MTCH2: variants seen among roughly 807,000 people sequenced by gnomAD.
The protein encoded by MTCH2 is mitochondrial carrier homolog 2.
MTCH2 carries 25 observed loss-of-function variants against 50.6 expected under a neutral mutation model. The observed-to-expected ratio is 0.49, with a 90% CI of 0.36 to 0.69. The LOEUF is 0.69. Ranked by LOEUF, MTCH2 falls within the 30% of genes least tolerant of loss-of-function variation. The pLI, the probability that MTCH2 is intolerant of heterozygous loss-of-function variation, is 0.00. For missense variants in MTCH2, 273 were observed against 384.4 expected (o/e 0.71, Z 2.42); for synonymous variants, 106 against 132.0 (o/e 0.80, Z 1.35).
rs1357745827 is a variant in MTCH2 at position 47,618,387 on chromosome 11, T to C, written c.*446A>G. The C allele has an allele frequency of 4.5e-6, 1 of 223,196 alleles. No homozygotes were observed. Among genetic ancestry groups the C allele is most frequent in the African/African-American group, 2.4e-5 (1 of 41,878 alleles). The allele number at this position is 223,196 out of a possible 1,614,324, so 13.8% of individuals were successfully genotyped here. A position where few individuals can be genotyped will look rare whatever the true frequency, so the allele number is the denominator to read the frequency against. Reference sequence around the variant, plus strand: ...GGAGTCAGATTCTGGTGCATGCTACTGACATTTTAGGGTCTACCCAAGAAA... The same window carrying C: ...GGAGTCAGATTCTGGTGCATGCTACCGACATTTTAGGGTCTACCCAAGAAA... On this transcript the variant is annotated 3_prime_UTR_variant, in exon 13 of 13. Coordinates refer to ENST00000302503, the MANE Select transcript of MTCH2 (RefSeq NM_014342.4).
intron 10 of MTCH2, 22 bp downstream of exon 10, chr11:47,627,057 TA>T (rs778474643): frequency 1.9e-6 from 3 of 1,553,226 alleles, no homozygotes; most frequent in Non-Finnish European, 2.6e-6. Context: ...CCTAGAAGGT[TA>T]AAAGGATTTT....
intron 3 of MTCH2, among the ~76,000 whole-genome samples, chr11:47,636,137 AAAAAG>A (rs1410134691): frequency 1.3e-5 from 2 of 151,808 alleles, no homozygotes; most frequent in African/African-American, 2.4e-5. Flanking sequence ...CAAGAAAAAA[AAAAAG>A]AAAAGGGAAG....
At chr11:47,612,252 C>T in the MTCH2 span, among the ~76,000 whole-genome samples, 2 of 151,456 alleles carry the variant, frequency 1.3e-5, no homozygotes, top group Non-Finnish European at 2.9e-5. Flanking sequence ...CCTGTCTCTA[C>T]TAAAAATACA....
At chr11:47,614,171 C>A (rs779147909), downstream of MTCH2, among the ~76,000 whole-genome samples, 73 of 152,008 alleles carry the variant, frequency 4.8e-4, 2 homozygotes, top group Non-Finnish European at 1.0e-4. Flanking sequence ...AAAAATGCCT[C>A]GACTGGCTTC....
At chr11:47,638,932 C>G in intron 2 of MTCH2, 35 bp downstream of exon 2, 1 of 1,592,624 alleles carries the variant, frequency 6.3e-7, no homozygotes, top group South Asian at 1.1e-5. Flanking sequence ...CAGTCCTCAA[C>G]GTCATGCAAA....
At chr11:47,625,331 G>T (rs1225228893) in intron 11 of MTCH2, among the ~76,000 whole-genome samples, 1 of 150,730 alleles carries the variant, frequency 6.6e-6, no homozygotes, top group Non-Finnish European at 1.5e-5. Context: ...GCTGAGGCGG[G>T]ACAATCACTT....
At chr11:47,637,399 C>T (rs1389387954) in intron 3 of MTCH2, among the ~76,000 whole-genome samples, 1 of 152,214 alleles carries the variant, frequency 6.6e-6, no homozygotes, top group East Asian at 1.9e-4. Flanking sequence ...AGACTCTTTT[C>T]TTCCCTGCAT....
At chr11:47,614,589 CTTTT>C (rs1015979738), downstream of MTCH2, among the ~76,000 whole-genome samples, 11 of 152,096 alleles carry the variant, frequency 7.2e-5, no homozygotes, top group South Asian at 6.2e-4. Flanking sequence ...GCCTCAGCCT[CTTTT>C]TTTTCTTTGA....
chr11:47,615,202 T>TAATAAAAA (rs2097287672), downstream of MTCH2, among the ~76,000 whole-genome samples: 1 of 152,134 alleles, frequency 6.6e-6, no homozygotes, highest in African/African-American at 2.4e-5. Context: ...CAAGCCTGGC[T>TAATAAAAA]AATTTTTAAA....
At chr11:47,631,461 T>C (rs2097302986) in intron 6 of MTCH2, among the ~76,000 whole-genome samples, 193 bp downstream of exon 6, 1 of 152,004 alleles carries the variant, frequency 6.6e-6, no homozygotes, top group Admixed American at 6.6e-5. Flanking sequence ...TAGATTTTGA[T>C]AGCCCTGGGA....
At chr11:47,615,414 GGGAGAGTT>G (rs1342481764), downstream of MTCH2, among the ~76,000 whole-genome samples, 5 of 152,248 alleles carry the variant, frequency 3.3e-5, no homozygotes, top group Admixed American at 1.3e-4. Flanking sequence ...CTCTGAAGGA[GGGAGAGTT>G]TGAAGGCACA....
At chr11:47,622,074 A>AACTG (rs1401489289) in intron 12 of MTCH2, among the ~76,000 whole-genome samples, 1 of 151,420 alleles carries the variant, frequency 6.6e-6, no homozygotes, top group Non-Finnish European at 1.5e-5. Context: ...ATGTTGCCTC[A>AACTG]ACTGGTCTCA....
chr11:47,623,420 A>C (rs2097295175), intron 11 of MTCH2, among the ~76,000 whole-genome samples: 1 of 152,054 alleles, frequency 6.6e-6, no homozygotes, highest in South Asian at 2.1e-4. Context: ...GAGATTTAAA[A>C]ACTAACTGGT....
intron 10 of MTCH2, among the ~76,000 whole-genome samples, chr11:47,626,328 C>G (rs1020781278): frequency 2.7e-5 from 4 of 150,800 alleles, no homozygotes; most frequent in Admixed American, 1.3e-4. Flanking sequence ...GCGCCTGCCC[C>G]AGCTTTTTTT....
In MTCH2 at chr11:47,630,615, C is replaced by T; in HGVS notation, c.480-1G>A. On this transcript the variant is annotated splice_acceptor_variant, in intron 7 of 12. Transcript: ENST00000302503. LOFTEE classifies it high-confidence loss of function. Reference sequence around the variant, plus strand: ...GGTTATTATGGAATCACAAAGTCCACTACGTACACAAGAAGAAAAGGTAAA... The same window carrying T: ...GGTTATTATGGAATCACAAAGTCCATTACGTACACAAGAAGAAAAGGTAAA... The T allele has an allele frequency of 1.9e-6, 3 of 1,609,756 alleles. No homozygotes were observed. Among genetic ancestry groups the T allele is most frequent in the Non-Finnish European group, 2.6e-6 (3 of 1,176,262 alleles).
chr11:47,616,541 G>T (rs1238584617), downstream of MTCH2, among the ~76,000 whole-genome samples: 1 of 151,330 alleles, frequency 6.6e-6, no homozygotes, highest in East Asian at 2.0e-4. Flanking sequence ...TGGCCAGGCT[G>T]GTCTCCAACT....
chr11:47,626,778 A>G (rs1332501599), intron 10 of MTCH2, among the ~76,000 whole-genome samples: 2 of 151,908 alleles, frequency 1.3e-5, no homozygotes, highest in African/African-American at 4.8e-5. Context: ...ACGCTCGGCT[A>G]ATGTTAGTAT....
At chr11:47,615,675 C>T (rs1478925734), downstream of MTCH2, among the ~76,000 whole-genome samples, 3 of 151,176 alleles carry the variant, frequency 2.0e-5, no homozygotes, top group Non-Finnish European at 4.4e-5. Context: ...TCTTGTTGAC[C>T]AGGCGGGAGT....
chr11:47,641,464 AG>A (rs2097314122), intron 1 of MTCH2, among the ~76,000 whole-genome samples: 2 of 152,316 alleles, frequency 1.3e-5, no homozygotes, highest in East Asian at 3.9e-4. Context: ...ACGGCGAGAC[AG>A]GGGTTCTAAA....
Sources: gnomAD v4.1 joint callset for allele counts (sites outside exome capture counted in the v4.1 genomes callset) on GRCh38, gnomAD v4.1.1 for gene constraint, MANE v1.5 for transcripts, NCBI Gene and HGNC (gene_info 2026-07-23, HGNC 2026-07-21) for gene names.